PCBP3: variants seen among roughly 807,000 people sequenced by gnomAD.
PCBP3 encodes poly(rC) binding protein 3, also known as poly(rC)-binding protein 3.
Under a neutral mutation model 52.7 loss-of-function variants are expected in PCBP3, and 25 were observed. The observed-to-expected ratio is 0.47, with a 90% CI of 0.35 to 0.66. The LOEUF is 0.66. Among genes scored for constraint, PCBP3 ranks in the 30% least tolerant of loss-of-function variants. PCBP3 has a pLI of 0.01. For synonymous variants in PCBP3, 162 were observed against 183.0 expected (o/e 0.89, Z 0.93); for missense variants, 391 against 490.3 (o/e 0.80, Z 1.91).
In PCBP3 at chr21:45,656,619, T is replaced by C. The variant is rs1569082399; in HGVS notation, c.-278-12255T>C. On this transcript the variant is annotated intron_variant, in intron 1 of 17. Transcript: ENST00000681687. The surrounding 1 kb of genome is among the most constrained non-coding windows in gnomAD (Gnocchi z 4.3). ...AACAAACCTGCACGTTCTGCACATG[T>C]ATTCCAGAACTTAAAGTATAATAAA... 6.6e-6 allele frequency among the ~76,000 whole-genome samples: 1 copy of C among 152,086 alleles called. No homozygotes were observed. Among genetic ancestry groups the C allele is most frequent in the Non-Finnish European group, 1.5e-5 (1 of 68,012 alleles).
intron 4 of PCBP3, among the ~76,000 whole-genome samples, chr21:45,785,494 G>A (rs1486107996): frequency 1.1e-5 from 1 of 87,656 alleles, no homozygotes; most frequent in Admixed American, 1.0e-4. Context: ...CTGGCCAGCC[G>A]CCCCGTCCGG....
intron 4 of PCBP3, among the ~76,000 whole-genome samples, chr21:45,785,235 G>A (rs1490807391): frequency 6.6e-5 from 10 of 151,196 alleles, no homozygotes; most frequent in South Asian, 2.1e-4. Flanking sequence ...CAGCCACCCC[G>A]TCTGGGAAGT....
chr21:45,809,786 G>C (rs548642536), intron 4 of PCBP3, among the ~76,000 whole-genome samples: 2 of 152,274 alleles, frequency 1.3e-5, no homozygotes, highest in South Asian at 4.1e-4. Flanking sequence ...GATGAGGTTT[G>C]GGGGGCAGAA....
At chr21:45,906,715 G>A (rs1034715028) in intron 9 of PCBP3, among the ~76,000 whole-genome samples, 23 of 152,122 alleles carry the variant, frequency 1.5e-4, no homozygotes, top group Admixed American at 1.1e-3. Flanking sequence ...GAGTTCTCCG[G>A]GAGCTCAGGA....
chr21:45,903,659 G>T (rs1409851848), intron 9 of PCBP3, among the ~76,000 whole-genome samples: 2 of 152,198 alleles, frequency 1.3e-5, no homozygotes, highest in African/African-American at 4.8e-5. Flanking sequence ...CATCAACAGA[G>T]GTGGATGACA....
chr21:45,669,803 G>GTA (rs1394969213), intron 2 of PCBP3, among the ~76,000 whole-genome samples: 1,790 of 53,268 alleles, frequency 0.034, 22 homozygotes, highest in Non-Finnish European at 0.044. Flanking sequence ...GTGTGTGTGT[G>GTA]TGTATATATA....
At chr21:45,769,055 G>A (rs1286928724) in intron 4 of PCBP3, among the ~76,000 whole-genome samples, 1 of 152,258 alleles carries the variant, frequency 6.6e-6, no homozygotes, top group African/African-American at 2.4e-5. Flanking sequence ...TTCAGGCTTT[G>A]TGTGGCACTG....
intron 4 of PCBP3, among the ~76,000 whole-genome samples, chr21:45,790,250 G>A (rs1412385432): frequency 6.6e-6 from 1 of 152,144 alleles, no homozygotes; most frequent in African/African-American, 2.4e-5. Context: ...CGTCATGAGA[G>A]GGTCAGATTC....
chr21:45,826,842 C>T (rs922143241), intron 4 of PCBP3, among the ~76,000 whole-genome samples: 6 of 152,138 alleles, frequency 3.9e-5, no homozygotes, highest in African/African-American at 1.2e-4. Flanking sequence ...GCAGCCTAGC[C>T]GGACAGAACA....
intron 1 of PCBP3, among the ~76,000 whole-genome samples, chr21:45,649,842 C>T (rs1318045422): frequency 1.3e-5 from 2 of 151,394 alleles, no homozygotes; most frequent in Non-Finnish European, 2.9e-5. Context: ...GATCACTTTA[C>T]TAGTAGTTTA....
At chr21:45,797,208 A>T (rs1207391281) in intron 4 of PCBP3, among the ~76,000 whole-genome samples, 1 of 152,114 alleles carries the variant, frequency 6.6e-6, no homozygotes, top group East Asian at 1.9e-4. Context: ...TGCTAGATGG[A>T]TGGATGCATG....
intron 13 of PCBP3, among the ~76,000 whole-genome samples, chr21:45,923,445 G>C (rs968808022): frequency 6.6e-6 from 1 of 152,200 alleles, no homozygotes; most frequent in Non-Finnish European, 1.5e-5. Context: ...CTGCTGGCTG[G>C]AGTTCCATCT....
Position 45,914,045 on chromosome 21 carries a change from C to T in PCBP3, c.675+20C>T, listed in dbSNP as rs1043833473. 5.6e-6 allele frequency: 9 copies of T among 1,613,130 alleles called. No homozygotes were observed. The highest frequency in any genetic ancestry group is 1.6e-4 in the Middle Eastern group (1 of 6,080). On this transcript the variant is annotated intron_variant, in intron 12 of 17. Coordinates refer to ENST00000681687, the MANE Select transcript of PCBP3 (RefSeq NM_001384156.1). ...GGTCAGGTAAGAGCCGATCCGCTCG[C>T]GGCCTCCACTGCCAACCTCAGCCTT...
chr21:45,691,384 TTA>T (rs1187790362), intron 2 of PCBP3, among the ~76,000 whole-genome samples: 1 of 142,154 alleles, frequency 7.0e-6, no homozygotes, highest in Non-Finnish European at 1.5e-5. Flanking sequence ...GTGGGGGTAG[TTA>T]TATATATATA....
intron 2 of PCBP3, among the ~76,000 whole-genome samples, chr21:45,733,871 A>G (rs1603348796): frequency 6.6e-6 from 1 of 152,212 alleles, no homozygotes; most frequent in East Asian, 1.9e-4. Context: ...AAAGTGTATA[A>G]TAGCTGTTTT....
intron 5 of PCBP3, among the ~76,000 whole-genome samples, chr21:45,870,585 T>G (rs900062100): frequency 6.6e-6 from 1 of 152,188 alleles, no homozygotes; most frequent in African/African-American, 2.4e-5. Flanking sequence ...CAGCTCTGGT[T>G]GGCTGGAAGC....
chr21:45,648,545 AC>A (rs943429508), intron 1 of PCBP3, among the ~76,000 whole-genome samples: 1 of 152,190 alleles, frequency 6.6e-6, no homozygotes, highest in African/African-American at 2.4e-5. Flanking sequence ...GAAAGAGTAG[AC>A]CAGGTATGCA....
At chr21:45,811,913 CCT>C (rs2092696832) in intron 4 of PCBP3, among the ~76,000 whole-genome samples, 1 of 151,474 alleles carries the variant, frequency 6.6e-6, no homozygotes, top group Non-Finnish European at 1.5e-5. Context: ...TTTAATTGTC[CCT>C]CTCTTCTTTT....
intron 2 of PCBP3, among the ~76,000 whole-genome samples, chr21:45,690,279 T>TA (rs1358673771): frequency 1.3e-5 from 2 of 151,714 alleles, no homozygotes; most frequent in African/African-American, 4.8e-5. Context: ...TATCCATATA[T>TA]AAAAAAAAGA....
Sources: allele counts gnomAD v4.1 joint callset (sites outside exome capture counted in the v4.1 genomes callset), GRCh38; gene constraint gnomAD v4.1.1; non-coding constraint Gnocchi (gnomAD v3.1); transcripts MANE v1.5; gene names NCBI Gene and HGNC (gene_info 2026-07-23, HGNC 2026-07-21).